Variants in SH3GLB1 observed in about 807,000 individuals in gnomAD.
The protein encoded by SH3GLB1 is endophilin-B1.
Under a neutral mutation model 42.0 loss-of-function variants are expected in SH3GLB1, and 17 were observed. The observed-to-expected ratio is 0.40, with a 90% confidence interval of 0.28 to 0.61. The LOEUF is 0.61. Ranked by LOEUF, SH3GLB1 falls within the 20% of genes least tolerant of loss-of-function variation. The pLI is 0.36. For missense variants in SH3GLB1, 355 were observed against 426.3 expected, an observed-to-expected ratio of 0.83 and a Z score of 1.47; for synonymous variants, 132 against 146.6, an observed-to-expected ratio of 0.90 and a Z score of 0.72.
At position 86,746,703 on chromosome 1, in the gene SH3GLB1, A is replaced by C. The variant is rs1473700800; in HGVS notation, c.*3468A>C. The C allele has an allele frequency of 6.6e-6, 1 of 152,212 alleles. No homozygotes were observed. Among genetic ancestry groups the C allele is most frequent in the East Asian group, 1.9e-4 (1 of 5,192 alleles). 9.4% of individuals were successfully genotyped at this position (152,212 alleles called of 1,614,324 possible). A position where few individuals can be genotyped will look rare whatever the true frequency, so the allele number is the denominator to read the frequency against. On this transcript the variant is annotated 3_prime_UTR_variant, in exon 9 of 9. Transcript: ENST00000370558. Reference sequence around the variant, plus strand: ...GCCAACATGGGGAAACCCTGTCTCTACTGAAAATATAAAAATTAGCCGGGC... The same window carrying C: ...GCCAACATGGGGAAACCCTGTCTCTCCTGAAAATATAAAAATTAGCCGGGC...
chr1:86,737,877 G>A (rs1655853024), intron 7 of SH3GLB1, among the ~76,000 whole-genome samples: 1 of 152,188 alleles, frequency 6.6e-6, no homozygotes, highest in South Asian at 2.1e-4. Flanking sequence ...GGTGCAGCAA[G>A]TACAAAAACC....
At chr1:86,736,688 G>A (rs573491994) in intron 7 of SH3GLB1, among the ~76,000 whole-genome samples, 29 of 152,230 alleles carry the variant, frequency 1.9e-4, no homozygotes, top group Admixed American at 7.9e-4. Context: ...CAGTTGTTGC[G>A]TTATTACTGC....
intron 2 of SH3GLB1, among the ~76,000 whole-genome samples, chr1:86,717,277 C>T (rs915810180): frequency 6.6e-6 from 1 of 152,144 alleles, no homozygotes; most frequent in Non-Finnish European, 1.5e-5. Flanking sequence ...TTGTTCTAAA[C>T]ATATTTTTCT....
rs543252581 is a variant in SH3GLB1 at position 86,740,284 on chromosome 1, CAT to C, written c.762-1923_762-1922del. On this transcript the variant is annotated intron_variant, in intron 7 of 8. Transcript: ENST00000370558. The stretch of plus-strand genomic sequence containing the variant: ...GATGGGCAAGAGGGTATGAAATAGT[CAT>C]CAGGGGAATGAAAGTGAAAGTGAAT... 1.1e-4 allele frequency among the ~76,000 whole-genome samples: 16 copies of C among 152,188 alleles called. 1 individual carries two copies. In the South Asian group the frequency reaches 2.9e-3, roughly 28 times the overall value.
Position 86,743,334 on chromosome 1 carries a change from A to T in SH3GLB1, c.*99A>T. ...AAGTATCTTCCATGTTAATGTGTTA[A>T]GAGACTGAAAATACCAGCCATCAGA... On this transcript the variant is annotated 3_prime_UTR_variant, in exon 9 of 9. Transcript: ENST00000370558. The T allele has an allele frequency of 1.5e-6, 1 of 677,238 alleles. No homozygotes were observed. Among genetic ancestry groups the T allele is most frequent in the Non-Finnish European group, 2.3e-6 (1 of 442,940 alleles). The allele number at this position is 677,238 out of a possible 1,614,324, so 42.0% of individuals were successfully genotyped here.
chr1:86,708,170 G>T (rs932503541), intron 1 of SH3GLB1, among the ~76,000 whole-genome samples: 1 of 152,138 alleles, frequency 6.6e-6, no homozygotes, highest in Non-Finnish European at 1.5e-5. Flanking sequence ...ATGCTGTGTG[G>T]TAGTTTTCAA....
intron 8 of SH3GLB1, among the ~76,000 whole-genome samples, 160 bp downstream of exon 8, chr1:86,742,596 T>C (rs1656111320): frequency 6.6e-6 from 1 of 152,218 alleles, no homozygotes; most frequent in Admixed American, 6.5e-5. Context: ...TTTAATAGAA[T>C]ATCATAGAAA....
At chr1:86,720,076 G>A (rs1489791163) in intron 3 of SH3GLB1, among the ~76,000 whole-genome samples, 3 of 150,610 alleles carry the variant, frequency 2.0e-5, no homozygotes, top group Non-Finnish European at 4.4e-5. Flanking sequence ...GATGAAGTGA[G>A]AAATATAGGC....
chr1:86,709,623 T>C (rs567950773), intron 1 of SH3GLB1, among the ~76,000 whole-genome samples: 1 of 152,326 alleles, frequency 6.6e-6, no homozygotes, highest in Non-Finnish European at 1.5e-5. Flanking sequence ...AGAATTCTTA[T>C]TGAAGCAAAA....
At chr1:86,742,730 C>A (rs535863374) in intron 8 of SH3GLB1, among the ~76,000 whole-genome samples, 2 of 152,240 alleles carry the variant, frequency 1.3e-5, no homozygotes, top group Admixed American at 1.3e-4. Context: ...GAGGCCAAGG[C>A]AGTGGGATCA....
chr1:86,716,086 T>TA (rs1372218531), intron 2 of SH3GLB1, among the ~76,000 whole-genome samples: 2 of 152,194 alleles, frequency 1.3e-5, no homozygotes, highest in Non-Finnish European at 2.9e-5. Flanking sequence ...AGAATCCTTG[T>TA]AAAAAATCTC....
chr1:86,739,883 G>T (rs1655973473), intron 7 of SH3GLB1, among the ~76,000 whole-genome samples: 1 of 152,118 alleles, frequency 6.6e-6, no homozygotes, highest in Non-Finnish European at 1.5e-5. Context: ...AGTGGCTCAT[G>T]CCTGTAATCC....
chr1:86,741,037 A>G (rs1656035983), intron 7 of SH3GLB1, among the ~76,000 whole-genome samples: 1 of 152,226 alleles, frequency 6.6e-6, no homozygotes, highest in Admixed American at 6.5e-5. Context: ...GATGTGCTAT[A>G]GTTGAATAAC....
chr1:86,739,211 A>G (rs1337556272), intron 7 of SH3GLB1, among the ~76,000 whole-genome samples: 2 of 152,246 alleles, frequency 1.3e-5, no homozygotes, highest in African/African-American at 4.8e-5. Context: ...AGATATTTAA[A>G]TCTGTGAGAC....
chr1:86,744,747 C>A lies in SH3GLB1; in HGVS notation c.*1512C>A, dbSNP rs920220983. 6.6e-6 allele frequency: 1 copy of A among 152,142 alleles called. No individual in the cohort carries two copies. Among genetic ancestry groups the A allele is most frequent in the Non-Finnish European group, 1.5e-5 (1 of 68,030 alleles). 9.4% of individuals were successfully genotyped at this position (152,142 alleles called of 1,614,324 possible). On this transcript the variant is annotated 3_prime_UTR_variant, in exon 9 of 9. Transcript: ENST00000370558. ...TTTTAAAATTTTGTGTTAAGAGCTC[C>A]TAATAAGAACTTGGTAAACATGTTG...
intron 1 of SH3GLB1, among the ~76,000 whole-genome samples, chr1:86,711,976 G>A (rs1654238966): frequency 1.3e-5 from 2 of 151,996 alleles, no homozygotes; most frequent in African/African-American, 4.8e-5. Flanking sequence ...TATTTACAGT[G>A]CTTTAGAGAA....
At chr1:86,722,010 C>CTTTTT (rs377380040) in intron 3 of SH3GLB1, among the ~76,000 whole-genome samples, 2,064 of 111,544 alleles carry the variant, frequency 0.019, 49 homozygotes, top group Non-Finnish European at 0.031. Flanking sequence ...AGGCAACCAT[C>CTTTTT]TTTTTTTTTT....
At chr1:86,722,732 A>G in intron 4 of SH3GLB1, 59 bp downstream of exon 4, 1 of 1,423,896 alleles carries the variant, frequency 7.0e-7, no homozygotes. Flanking sequence ...ATACTTTTTA[A>G]TGAATAATTT....
chr1:86,724,192 G>A (rs565564766), intron 4 of SH3GLB1, 121 bp from the exon 5 acceptor site: 2 of 595,770 alleles, frequency 3.4e-6, no homozygotes, highest in Admixed American at 7.6e-5. Flanking sequence ...AGCCAATTTT[G>A]TAGTCATAGA....
Sources: allele counts gnomAD v4.1 joint callset (sites outside exome capture counted in the v4.1 genomes callset), GRCh38; gene constraint gnomAD v4.1.1; transcripts MANE v1.5; gene names NCBI Gene and HGNC (gene_info 2026-07-23, HGNC 2026-07-21).